H6PD: variants seen among roughly 807,000 people sequenced by gnomAD.
H6PD encodes the protein hexose-6-phosphate dehydrogenase/glucose 1-dehydrogenase, also known as GDH/6PGL endoplasmic bifunctional protein.
H6PD carries 48 observed loss-of-function variants against 61.2 expected under a neutral mutation model. That is an observed-to-expected ratio of 0.78 (90% confidence interval 0.62 to 1.00). The LOEUF (loss-of-function observed/expected upper bound fraction) is 1.00, where lower values mean the gene tolerates loss of function less well. Among genes scored for constraint, H6PD ranks in the 50% least tolerant of loss-of-function variants. The pLI is 0.00. For synonymous variants in H6PD, 480 were observed against 457.9 expected (o/e 1.05, Z -0.62); for missense variants, 1,093 against 1,065.0 (o/e 1.03, Z -0.37).
chr1:9,253,287 C>T (rs910573288), intron 3 of H6PD, among the ~76,000 whole-genome samples: 5 of 152,124 alleles, frequency 3.3e-5, no homozygotes, highest in Admixed American at 6.5e-5. Flanking sequence ...GTAGTAAACC[C>T]GTGGAATGCA....
chr1:9,239,905 A>G, intron 1 of H6PD: 2 of 897,900 alleles, frequency 2.2e-6, no homozygotes, highest in Non-Finnish European at 2.9e-6. Flanking sequence ...CCGGGTCTGT[A>G]TGGGGACAGC....
intron 1 of H6PD, chr1:9,242,742 T>TG (rs2100318046): frequency 1.0e-6 from 1 of 985,484 alleles, no homozygotes; most frequent in Admixed American, 6.1e-5. Context: ...TCCAGAGCCC[T>TG]GGCTACCAGG....
chr1:9,244,102 C>T (rs931141603), intron 1 of H6PD, among the ~76,000 whole-genome samples: 1 of 152,188 alleles, frequency 6.6e-6, no homozygotes, highest in Non-Finnish European at 1.5e-5. Context: ...TGTCTGGATT[C>T]ATTGAGCTCT....
Position 9,254,900 on chromosome 1 carries a change from A to G in H6PD, c.746-7159A>G, listed in dbSNP as rs766841019. On this transcript the variant is annotated intron_variant, in intron 3 of 4. Coordinates refer to ENST00000377403, the MANE Select transcript of H6PD (RefSeq NM_004285.4). This position sits in a 1 kb window ranked among gnomAD's most constrained non-coding sequence, Gnocchi z 4.6. ...TCCCCAGCTCCTGGCAACCACAGAA[A>G]TGCATTCTCTCTGCGGGGTTGCCTG... 6.6e-6 allele frequency among the ~76,000 whole-genome samples: 1 copy of G among 152,126 alleles called. No homozygotes were observed. Among genetic ancestry groups the G allele is most frequent in the Non-Finnish European group, 1.5e-5 (1 of 68,022 alleles).
intron 3 of H6PD, among the ~76,000 whole-genome samples, chr1:9,251,860 G>A (rs1378578977): frequency 4.0e-5 from 6 of 150,850 alleles, no homozygotes; most frequent in Non-Finnish European, 5.9e-5. Context: ...GGGGATTGCA[G>A]CTGGCTCTTA....
intron 3 of H6PD, among the ~76,000 whole-genome samples, chr1:9,257,199 G>T (rs1371882561): frequency 6.6e-6 from 1 of 151,622 alleles, no homozygotes; most frequent in African/African-American, 2.4e-5. Context: ...GGGTGCAGTG[G>T]CAGGTTCACA....
At chr1:9,236,316 A>G (rs146824031) in intron 1 of H6PD, among the ~76,000 whole-genome samples, 2 of 152,324 alleles carry the variant, frequency 1.3e-5, no homozygotes, top group African/African-American at 4.8e-5. Context: ...CAGCAGTTCA[A>G]GAAGCTAGCA....
intron 1 of H6PD, among the ~76,000 whole-genome samples, chr1:9,244,471 G>A (rs1298349924): frequency 6.6e-6 from 1 of 152,156 alleles, no homozygotes; most frequent in Non-Finnish European, 1.5e-5. Flanking sequence ...CAAGTGAGAG[G>A]AGGTGGTCCT....
chr1:9,260,796 G>A (rs965275938), intron 3 of H6PD, among the ~76,000 whole-genome samples: 2 of 151,936 alleles, frequency 1.3e-5, no homozygotes, highest in Admixed American at 6.6e-5. Context: ...CCCTTTTATC[G>A]TCACAGTTAC....
At chr1:9,247,611 C>CCCTTG in intron 3 of H6PD, among the ~76,000 whole-genome samples, 1 of 152,298 alleles carries the variant, frequency 6.6e-6, no homozygotes, top group South Asian at 2.1e-4. Flanking sequence ...CACAGTGTTA[C>CCCTTG]CCTTGCCTCG....
In H6PD at chr1:9,264,357, C is replaced by T. The variant is rs571825467; in HGVS notation, c.1864C>T (p.Arg622Cys). The T allele has an allele frequency of 2.7e-5, 44 of 1,612,536 alleles. No individual in the cohort carries two copies. In the East Asian group the frequency reaches 4.0e-4, roughly 15 times the overall value. ...CACGCACCTGTGGCTGGTTGACGAG[C>T]GCTGCGTCCCACTCTCAGACCCGGA... ...AHTHLWLVDE[R>C]CVPLSDPESN... The change falls in exon 5 of 5, where the codon CGC becomes TGC. Residue 622 changes from arginine to cysteine, a missense_variant. Transcript: ENST00000377403.
In H6PD at chr1:9,266,527, G is replaced by A. The variant is rs964727984; in HGVS notation, c.*1658G>A. On this transcript the variant is annotated 3_prime_UTR_variant, in exon 5 of 5. Transcript: ENST00000377403. ...TTTGTTCAGTATCCCACAACTTAAG[G>A]CTGGGAGATGGAACTCTTGGTTAAG... is the stretch of plus-strand genomic sequence containing the variant. The A allele has an allele frequency of 2.6e-5, 4 of 152,342 alleles. No individual in the cohort carries two copies. The highest frequency in any genetic ancestry group is 7.2e-5 in the African/African-American group (3 of 41,578). 9.4% of individuals were successfully genotyped at this position (152,342 alleles called of 1,614,324 possible).
rs779894427 is a variant in H6PD at position 9,264,497 on chromosome 1, G to C, written c.2004G>C (p.Gln668His). 8.1e-6 allele frequency: 13 copies of C among 1,613,246 alleles called. No individual in the cohort carries two copies. In the Admixed American group the frequency reaches 1.5e-4, roughly 19 times the overall value. ...LQQRLCAEEDQGAQIYAREIS... is the reference protein window; with the variant it reads ...LQQRLCAEEDHGAQIYAREIS... ...AGCGGCTCTGCGCCGAGGAGGACCA[G>C]GGCGCCCAGATCTATGCCAGGGAGA... The change falls in exon 5 of 5, where the codon CAG becomes CAC. Residue 668 changes from glutamine (Q) to histidine (H), a missense_variant. Coordinates refer to ENST00000377403, the MANE Select transcript of H6PD (RefSeq NM_004285.4).
intron 3 of H6PD, among the ~76,000 whole-genome samples, chr1:9,249,007 C>T (rs1359795927): frequency 6.6e-5 from 10 of 152,216 alleles, no homozygotes; most frequent in Admixed American, 6.5e-4. Flanking sequence ...TGCAGAGAGC[C>T]TAGAGCAGAA....
At chr1:9,256,231 C>T (rs1345780374) in intron 3 of H6PD, among the ~76,000 whole-genome samples, 1 of 152,230 alleles carries the variant, frequency 6.6e-6, no homozygotes, top group Non-Finnish European at 1.5e-5. Context: ...TTGAAGGCCA[C>T]AACACTACAG....
chr1:9,247,749 C>T (rs557460063), intron 3 of H6PD, among the ~76,000 whole-genome samples: 3 of 152,314 alleles, frequency 2.0e-5, no homozygotes, highest in East Asian at 3.9e-4. Context: ...TCATGCCCAC[C>T]GCTGCCTTCA....
At chr1:9,241,992 C>G (rs997942285) in intron 1 of H6PD, among the ~76,000 whole-genome samples, 2 of 152,172 alleles carry the variant, frequency 1.3e-5, no homozygotes, top group African/African-American at 2.4e-5. Context: ...TTATTGGATT[C>G]AGGAACAACC....
rs988712189 is a variant in H6PD, at chr1:9,268,071, C to T, written c.*3202C>T. ...CAGCCTGGGCAACATAGTGAGACCC[C>T]ATCTCTACAAAAAGTTTTAAAACCA... On this transcript the variant is annotated 3_prime_UTR_variant, in exon 5 of 5. Transcript: ENST00000377403. The T allele has an allele frequency of 6.6e-6, 1 of 151,874 alleles. No individual in the cohort carries two copies. The highest frequency in any genetic ancestry group is 2.4e-5 in the African/African-American group (1 of 41,318). 9.4% of individuals were successfully genotyped at this position (151,874 alleles called of 1,614,324 possible).
rs75652807 is a variant in H6PD, at chr1:9,244,951, T to C, written c.17T>C (p.Ile6Thr). 1.9e-5 allele frequency: 31 copies of C among 1,614,066 alleles called. No homozygotes were observed. In the African/African-American group the frequency reaches 3.3e-4, roughly 17 times the overall value. Residue 6 changes from isoleucine to threonine, a missense_variant, in exon 2 of 5, where the codon ATA becomes ACA. Ile to Thr is a moderately conservative substitution (Grantham distance 89). Transcript: ENST00000377403. The part of the protein sequence containing the change: MWNML[I>T]VAMCLALLGC... The stretch of plus-strand genomic sequence containing the variant: ...CACCCAGGCATGTGGAATATGCTCA[T>C]AGTGGCGATGTGCTTGGCCCTTCTG...
Sources: gnomAD v4.1 joint callset for allele counts (sites outside exome capture counted in the v4.1 genomes callset) on GRCh38, gnomAD v4.1.1 for gene constraint, Gnocchi (gnomAD v3.1) non-coding constraint, MANE v1.5 for transcripts, NCBI Gene and HGNC (gene_info 2026-07-23, HGNC 2026-07-21) for gene names.